Variants in CFAP263 observed in about 807,000 individuals in gnomAD.
CFAP263 encodes the protein cilia- and flagella-associated protein 263.
At chr16:58,279,547 C>A in the CFAP263 span, 1 of 642,326 alleles carries the variant, frequency 1.6e-6, no homozygotes, top group Non-Finnish European at 2.7e-6. Context: ...ATGGAGGACA[C>A]GCTGCCCCAC....
chr16:58,256,450 C>T, the CFAP263 span, among the ~76,000 whole-genome samples: 5 of 152,188 alleles, frequency 3.3e-5, no homozygotes, highest in East Asian at 9.6e-4. Flanking sequence ...AAGGGCACCC[C>T]AGGTAAGGAG....
At chr16:58,251,381 GTTTGT>G in the CFAP263 span, among the ~76,000 whole-genome samples, 1 of 152,078 alleles carries the variant, frequency 6.6e-6, no homozygotes, top group Non-Finnish European at 1.5e-5. Context: ...TTTTCCACTA[GTTTGT>G]TTTGTTTTGT....
At chr16:58,260,925 TAG>T in the CFAP263 span, among the ~76,000 whole-genome samples, 1 of 152,134 alleles carries the variant, frequency 6.6e-6, no homozygotes, top group Non-Finnish European at 1.5e-5. Context: ...GGCTTAGCTG[TAG>T]AGTACCTGAT....
chr16:58,259,739 C>A, the CFAP263 span: 1 of 589,644 alleles, frequency 1.7e-6, no homozygotes, highest in Non-Finnish European at 3.0e-6. Flanking sequence ...AAATAAGTGA[C>A]AGAATGTTAG....
the CFAP263 span, among the ~76,000 whole-genome samples, chr16:58,276,497 G>A: frequency 6.6e-6 from 1 of 152,180 alleles, no homozygotes; most frequent in Non-Finnish European, 1.5e-5. Context: ...GTATTGTAGG[G>A]TTTTCAGTTG....
the CFAP263 span, chr16:58,250,400 G>T: frequency 3.0e-6 from 1 of 328,750 alleles, no homozygotes; most frequent in Non-Finnish European, 5.6e-6. Context: ...CAGACGGTGT[G>T]CTTAGCCGAT....
At chr16:58,253,984 C>T in the CFAP263 span, 1 of 1,614,066 alleles carries the variant, frequency 6.2e-7, no homozygotes, top group East Asian at 2.2e-5. Flanking sequence ...GGCTTTGTTT[C>T]TCTTGGGTTG....
the CFAP263 span, among the ~76,000 whole-genome samples, chr16:58,277,185 G>A: frequency 2.0e-5 from 3 of 151,966 alleles, no homozygotes; most frequent in East Asian, 5.8e-4. Context: ...CTGGAGTGCA[G>A]CGTCGTGATC....
At chr16:58,262,360 T>C in the CFAP263 span, 2 of 1,584,780 alleles carry the variant, frequency 1.3e-6, no homozygotes, top group Non-Finnish European at 1.7e-6. Context: ...CGTATCATCT[T>C]TTCTTTCATC....
chr16:58,278,341 A>T, the CFAP263 span: 2 of 738,284 alleles, frequency 2.7e-6, no homozygotes, highest in Non-Finnish European at 4.4e-6. Context: ...TGTGATTCCC[A>T]CCCCTCCCCA....
chr16:58,267,973 T>C, the CFAP263 span, among the ~76,000 whole-genome samples: 1 of 148,908 alleles, frequency 6.7e-6, no homozygotes, highest in African/African-American at 2.5e-5. Context: ...CAAAATAGAA[T>C]GTTTGATGTA....
the CFAP263 span, among the ~76,000 whole-genome samples, chr16:58,254,753 C>T: frequency 6.1e-4 from 93 of 152,074 alleles, no homozygotes; most frequent in Non-Finnish European, 1.1e-3. Context: ...TGCAGGCGCC[C>T]GCCACCACAC....
the CFAP263 span, chr16:58,278,675 T>C: frequency 2.5e-6 from 4 of 1,600,690 alleles, no homozygotes; most frequent in South Asian, 1.1e-5. Flanking sequence ...CAGTCTTTTA[T>C]GTCTTCAACG....
At chr16:58,264,719 A>G in the CFAP263 span, among the ~76,000 whole-genome samples, 1 of 152,062 alleles carries the variant, frequency 6.6e-6, no homozygotes, top group African/African-American at 2.4e-5. Flanking sequence ...ACAGGTGTGT[A>G]TTTGGTAGGG....
chr16:58,279,674 CTTTT>C, the CFAP263 span: 4 of 1,397,468 alleles, frequency 2.9e-6, no homozygotes, highest in Non-Finnish European at 2.9e-6. Context: ...TTCTTTTTTT[CTTTT>C]TTTTTTTTGC....
chr16:58,278,423 A>G, the CFAP263 span: 2 of 1,517,458 alleles, frequency 1.3e-6, no homozygotes, highest in Non-Finnish European at 1.8e-6. Context: ...AGGGCCAGTG[A>G]GTTCTCAAAG....
At chr16:58,254,193 C>T in the CFAP263 span, 1 of 1,611,742 alleles carries the variant, frequency 6.2e-7, no homozygotes. Context: ...CTGTCCTGCC[C>T]AGGCTCCCCA....
chr16:58,272,311 C>T, the CFAP263 span, among the ~76,000 whole-genome samples: 7 of 152,206 alleles, frequency 4.6e-5, no homozygotes, highest in African/African-American at 9.6e-5. Context: ...CCACCGCACC[C>T]GGCCAGATAT....
chr16:58,280,061 G>A, the CFAP263 span: 1 of 702,214 alleles, frequency 1.4e-6, no homozygotes, highest in Non-Finnish European at 2.4e-6. Flanking sequence ...TCCCACACCT[G>A]GGAGAGGGAT....
Sources: gnomAD v4.1 joint callset for allele counts (sites outside exome capture counted in the v4.1 genomes callset) on GRCh38, gnomAD v4.1.1 for gene constraint, MANE v1.5 for transcripts, NCBI Gene and HGNC (gene_info 2026-07-23, HGNC 2026-07-21) for gene names.